DGUOK: variants seen among roughly 807,000 people sequenced by gnomAD.
DGUOK encodes deoxyguanosine kinase, mitochondrial.
A neutral mutation model predicts 36.6 loss-of-function variants in DGUOK; 30 were observed. The observed-to-expected ratio is 0.82, with a 90% CI of 0.61 to 1.11. The LOEUF (loss-of-function observed/expected upper bound fraction) is 1.11. Ranked by LOEUF, DGUOK falls within the 50% of genes most tolerant of loss-of-function variation. The probability of loss-of-function intolerance (pLI) is 0.00; values close to 1 mark genes in which losing one functional copy is unlikely to be tolerated. For missense variants in DGUOK, 361 were observed against 336.4 expected (o/e 1.07, Z -0.57); for synonymous variants, 145 against 126.3 (o/e 1.15, Z -0.99).
Position 73,939,005 on chromosome 2 carries a change from G to T in DGUOK, c.238G>T (p.Ala80Ser). The change falls in exon 2 of 7, where the codon GCT becomes TCT. Residue 80 changes from alanine (A) to serine (S), a missense_variant. Coordinates refer to ENST00000264093, the MANE Select transcript of DGUOK (RefSeq NM_080916.3). ...TGTAGCAACATGGCAGAATATCCAGGCTGCTGGCACCCAAAAAGTAAGTTT... is the reference window on the plus strand; with the variant it reads ...TGTAGCAACATGGCAGAATATCCAGTCTGCTGGCACCCAAAAAGTAAGTTT... ...EPVATWQNIQ[A>S]AGTQKACTAQ... The T allele has an allele frequency of 6.2e-7, 1 of 1,613,900 alleles. No individual in the cohort carries two copies.
rs145360509 is a variant in DGUOK, at chr2:73,950,299, A to G, written c.444-286A>G. Among the ~76,000 whole-genome samples the G allele has an allele frequency of 2.3e-3, 352 of 152,300 alleles. 1 individual carries two copies. Among genetic ancestry groups the G allele is most frequent in the African/African-American group, 8.2e-3 (340 of 41,564 alleles). On this transcript the variant is annotated intron_variant, in intron 3 of 6. Transcript: ENST00000264093. ...GAGAAAATTGTTAGGGACCAATGAT[A>G]CTATCTTCTGTCTCTTTTCTTCCAG...
chr2:73,942,506 A>G (rs1681975759), intron 2 of DGUOK, among the ~76,000 whole-genome samples: 1 of 152,148 alleles, frequency 6.6e-6, no homozygotes, highest in Non-Finnish European at 1.5e-5. Flanking sequence ...TGTGACTGAG[A>G]TCTTTTTTCC....
At chr2:73,950,983 C>A (rs1192863449) in intron 4 of DGUOK, among the ~76,000 whole-genome samples, 1 of 152,116 alleles carries the variant, frequency 6.6e-6, no homozygotes, top group Admixed American at 6.5e-5. Flanking sequence ...CAGAGCAAAT[C>A]GAGTGTCATC....
At chr2:73,929,370 A>G (rs1226129869) in intron 1 of DGUOK, among the ~76,000 whole-genome samples, 2 of 152,226 alleles carry the variant, frequency 1.3e-5, no homozygotes, top group Admixed American at 6.5e-5. Context: ...TTGGCTTCCC[A>G]AAGTGCTGGG....
chr2:73,958,558 G>T, intron 6 of DGUOK, 152 bp from the exon 7 acceptor site: 1 of 705,622 alleles, frequency 1.4e-6, no homozygotes, highest in South Asian at 1.6e-5. Context: ...GATGCTATAT[G>T]ACCCTGGGCT....
chr2:73,935,213 C>G (rs1025255537), intron 1 of DGUOK, among the ~76,000 whole-genome samples: 1 of 152,320 alleles, frequency 6.6e-6, no homozygotes, highest in Non-Finnish European at 1.5e-5. Context: ...TGCACTCCAG[C>G]CTGGGTGACA....
chr2:73,929,065 T>C (rs898679201), intron 1 of DGUOK, among the ~76,000 whole-genome samples: 14 of 152,180 alleles, frequency 9.2e-5, no homozygotes, highest in African/African-American at 3.4e-4. Flanking sequence ...ACTTGAAAGA[T>C]AGACTCCTGA....
intron 1 of DGUOK, among the ~76,000 whole-genome samples, chr2:73,930,170 G>A (rs944107370): frequency 6.6e-6 from 1 of 152,160 alleles, no homozygotes; most frequent in African/African-American, 2.4e-5. Context: ...TGGGAACTTG[G>A]GAAGGTCTTT....
At chr2:73,932,659 G>A (rs1308294442) in intron 1 of DGUOK, 2 of 1,293,650 alleles carry the variant, frequency 1.5e-6, no homozygotes, top group Non-Finnish European at 2.0e-6. Context: ...CAGGGAAGGT[G>A]AACCCCTGTC....
intron 4 of DGUOK, among the ~76,000 whole-genome samples, chr2:73,953,480 T>G (rs1682850854): frequency 6.6e-6 from 1 of 152,034 alleles, no homozygotes; most frequent in African/African-American, 2.4e-5. Context: ...ATGGCATTAG[T>G]TCCAGAGATG....
intron 1 of DGUOK, among the ~76,000 whole-genome samples, chr2:73,935,083 T>TAAAC (rs1558646628): frequency 9.0e-6 from 1 of 111,038 alleles, no homozygotes; most frequent in Non-Finnish European, 2.1e-5. Context: ...CAAAAATAAA[T>TAAAC]AAATAAACAA....
intron 4 of DGUOK, among the ~76,000 whole-genome samples, chr2:73,954,538 A>G (rs956893451): frequency 3.3e-5 from 5 of 151,980 alleles, no homozygotes; most frequent in African/African-American, 1.2e-4. Flanking sequence ...CAAGCTAACA[A>G]TTTTAAAACT....
At chr2:73,938,013 C>A (rs1681598047) in intron 1 of DGUOK, among the ~76,000 whole-genome samples, 1 of 152,036 alleles carries the variant, frequency 6.6e-6, no homozygotes, top group African/African-American at 2.4e-5. Context: ...TTCCCATTGC[C>A]CTTAGAATAG....
chr2:73,928,590 G>A (rs1420122356), intron 1 of DGUOK, among the ~76,000 whole-genome samples: 4 of 152,172 alleles, frequency 2.6e-5, no homozygotes, highest in Non-Finnish European at 5.9e-5. Flanking sequence ...AGTGTGTTCG[G>A]GGAATAGGAG....
At chr2:73,943,908 A>G (rs1028008820) in intron 2 of DGUOK, among the ~76,000 whole-genome samples, 1 of 152,118 alleles carries the variant, frequency 6.6e-6, no homozygotes, top group African/African-American at 2.4e-5. Context: ...TGGCCTCCCA[A>G]AGTGCCGGGA....
intron 2 of DGUOK, among the ~76,000 whole-genome samples, chr2:73,944,736 C>A (rs1682158623): frequency 6.6e-6 from 1 of 152,160 alleles, no homozygotes; most frequent in African/African-American, 2.4e-5. Flanking sequence ...TCTTTGATAG[C>A]CCAAAGCCCA....
intron 1 of DGUOK, among the ~76,000 whole-genome samples, chr2:73,931,163 G>A (rs925218088): frequency 6.6e-6 from 1 of 152,146 alleles, no homozygotes; most frequent in Non-Finnish European, 1.5e-5. Context: ...GAATCTCTGG[G>A]GTAGGAATTC....
chr2:73,958,048 T>A, intron 5 of DGUOK, 98 bp from the exon 6 acceptor site: 2 of 916,126 alleles, frequency 2.2e-6, no homozygotes. Context: ...CATGTTGAAT[T>A]TAGATCTGTT....
At chr2:73,956,338 A>C (rs1683087186) in intron 4 of DGUOK, among the ~76,000 whole-genome samples, 1 of 152,204 alleles carries the variant, frequency 6.6e-6, no homozygotes, top group African/African-American at 2.4e-5. Context: ...GACATGAAAG[A>C]GATATTTCAA....
Sources: gnomAD v4.1 joint callset for allele counts (sites outside exome capture counted in the v4.1 genomes callset) on GRCh38, gnomAD v4.1.1 for gene constraint, MANE v1.5 for transcripts, NCBI Gene and HGNC (gene_info 2026-07-23, HGNC 2026-07-21) for gene names.